LY9: variants seen among roughly 807,000 people sequenced by gnomAD.
LY9 encodes the protein T-lymphocyte surface antigen Ly-9.
A neutral mutation model predicts 64.6 loss-of-function variants in LY9; 59 were observed. That is an observed-to-expected ratio of 0.91 (90% confidence interval 0.74 to 1.13). The LOEUF (loss-of-function observed/expected upper bound fraction) is 1.13. Among genes scored for constraint, LY9 ranks in the 50% most tolerant of loss-of-function variants. The probability of loss-of-function intolerance (pLI) is 0.00; values close to 1 mark genes in which losing one functional copy is unlikely to be tolerated. For synonymous variants in LY9, 281 were observed against 308.5 expected (o/e 0.91, Z 0.93); for missense variants, 789 against 797.2 (o/e 0.99, Z 0.12).
In LY9 at chr1:160,799,957, C is replaced by T; in HGVS notation, c.329C>T (p.Thr110Ile). The T allele has an allele frequency of 1.2e-6, 2 of 1,614,142 alleles. No individual in the cohort carries two copies. The highest frequency in any genetic ancestry group is 1.7e-6 in the Non-Finnish European group (2 of 1,180,008). Reference protein sequence around the residue: ...VKSYLGRLDITKWSYSLCISN... With the variant: ...VKSYLGRLDIIKWSYSLCISN... ...AGCTACCTGGGCCGACTAGACATCA[C>T]CAAGTGGAGTTACTCCCTGTGCATC... Residue 110 changes from threonine (T) to isoleucine (I), a missense_variant, in exon 2 of 10, where the codon ACC (threonine) becomes ATC (isoleucine). By Grantham distance (89) the Thr-to-Ile change is moderately conservative (BLOSUM62 -1). Coordinates refer to ENST00000263285, the MANE Select transcript of LY9 (RefSeq NM_002348.4).
At chr1:160,816,066 T>A (rs1256054452) in intron 4 of LY9, among the ~76,000 whole-genome samples, 1 of 152,128 alleles carries the variant, frequency 6.6e-6, no homozygotes, top group African/African-American at 2.4e-5. Context: ...ATGCCTCAAA[T>A]ATAAAGGAAC....
intron 2 of LY9, chr1:160,801,937 A>T (rs1666527171): frequency 6.2e-7 from 1 of 1,611,186 alleles, no homozygotes; most frequent in African/African-American, 1.3e-5. Flanking sequence ...CCCACCTGCC[A>T]CTGGAGACCG....
chr1:160,807,106 T>C (rs1232621793), intron 2 of LY9, among the ~76,000 whole-genome samples: 4 of 152,220 alleles, frequency 2.6e-5, no homozygotes, highest in African/African-American at 7.2e-5. Flanking sequence ...TCTATCTCTT[T>C]GGTTAATTTG....
chr1:160,814,213 G>T (rs1667753036), intron 3 of LY9, among the ~76,000 whole-genome samples: 1 of 152,142 alleles, frequency 6.6e-6, no homozygotes. Flanking sequence ...GGCAGAGAGG[G>T]GACATGAGAG....
chr1:160,814,856 C>T, intron 4 of LY9, 95 bp downstream of exon 4: 2 of 1,006,064 alleles, frequency 2.0e-6, no homozygotes, highest in Non-Finnish European at 2.9e-6. Flanking sequence ...CAAGGGTCTT[C>T]CCTCATACTG....
At chr1:160,808,591 A>G (rs1037147566) in intron 2 of LY9, among the ~76,000 whole-genome samples, 1 of 151,868 alleles carries the variant, frequency 6.6e-6, no homozygotes, top group African/African-American at 2.4e-5. Context: ...TCTCTCGCTC[A>G]CCTCTATTGG....
At chr1:160,804,655 A>G (rs1666808646) in intron 2 of LY9, among the ~76,000 whole-genome samples, 1 of 152,146 alleles carries the variant, frequency 6.6e-6, no homozygotes, top group Non-Finnish European at 1.5e-5. Context: ...TAGTTTTAGG[A>G]GGATTGATAT....
chr1:160,816,300 G>T (rs1322927123), intron 4 of LY9, among the ~76,000 whole-genome samples: 1 of 152,160 alleles, frequency 6.6e-6, no homozygotes, highest in African/African-American at 2.4e-5. Flanking sequence ...TGATTGGTTT[G>T]CTTGCTTTCA....
At chr1:160,809,333 TTTATTATTA>T (rs138398905) in intron 2 of LY9, among the ~76,000 whole-genome samples, 5 of 140,264 alleles carry the variant, frequency 3.6e-5, no homozygotes, top group South Asian at 4.5e-4. Context: ...AAATCCTGAA[TTTATTATTA>T]TTATTATTAT....
intron 2 of LY9, among the ~76,000 whole-genome samples, chr1:160,804,435 A>AT (rs1340563750): frequency 1.3e-5 from 2 of 152,146 alleles, no homozygotes; most frequent in African/African-American, 4.8e-5. Flanking sequence ...CCCTGGGATA[A>AT]ATCCCACTTG....
chr1:160,827,918 C>T lies in LY9; in HGVS notation c.*102C>T, dbSNP rs868073959. 1 of 852,858 alleles carries T rather than the reference C, an allele frequency of 1.2e-6. No homozygotes were observed. The highest frequency in any genetic ancestry group is 1.6e-5 in the South Asian group (1 of 60,952). The allele number at this position is 852,858 out of a possible 1,614,324, so 52.8% of individuals were successfully genotyped here. ...CACAGACAGAAGCACCTCAGAATTTCCTTCAGTGCCTCAGAGATGCCTGGA... is the reference window on the plus strand; with the variant it reads ...CACAGACAGAAGCACCTCAGAATTTTCTTCAGTGCCTCAGAGATGCCTGGA... On this transcript the variant is annotated 3_prime_UTR_variant, in exon 10 of 10. Coordinates refer to ENST00000263285, the MANE Select transcript of LY9 (RefSeq NM_002348.4).
intron 2 of LY9, chr1:160,800,299 G>T (rs1249933998): frequency 1.9e-6 from 1 of 526,282 alleles, no homozygotes; most frequent in East Asian, 3.2e-5. Flanking sequence ...CTTACTGTAT[G>T]TTTGTACCCT....
At chr1:160,801,962 C>T in intron 2 of LY9, 1 of 1,605,600 alleles carries the variant, frequency 6.2e-7, no homozygotes, top group African/African-American at 1.3e-5. Flanking sequence ...GCCATCCCCA[C>T]CTCACCGCCG....
chr1:160,814,008 T>C, intron 3 of LY9, 97 bp downstream of exon 3: 1 of 1,337,910 alleles, frequency 7.5e-7, no homozygotes. Flanking sequence ...ACACAGGGGG[T>C]GGGGAAGCAA....
chr1:160,824,460 T>C lies in LY9; in HGVS notation c.1899+211T>C, dbSNP rs530894704. The stretch of plus-strand genomic sequence containing the variant: ...CCAAAGGCTGAACATTTCTAATTGA[T>C]TTAATAATATCTTATGTTGGTTATT... On this transcript the variant is annotated intron_variant, in intron 9 of 9. Coordinates refer to ENST00000263285, the MANE Select transcript of LY9 (RefSeq NM_002348.4). The C allele has an allele frequency of 1.2e-5, 12 of 985,082 alleles. No homozygotes were observed. In the African/African-American group the frequency reaches 2.1e-4, roughly 17 times the overall value. The allele number at this position is 985,082 out of a possible 1,614,324, so 61.0% of individuals were successfully genotyped here.
chr1:160,803,592 T>C (rs1195101545), intron 2 of LY9, among the ~76,000 whole-genome samples: 1 of 152,252 alleles, frequency 6.6e-6, no homozygotes, highest in African/African-American at 2.4e-5. Context: ...GATTAAATAA[T>C]TATTGGTGTA....
chr1:160,798,712 C>CA (rs1251582860), intron 1 of LY9: 2 of 152,388 alleles, frequency 1.3e-5, no homozygotes, highest in Non-Finnish European at 2.9e-5. Flanking sequence ...CCAGTGTCTG[C>CA]ATATTCTGTA....
intron 9 of LY9, among the ~76,000 whole-genome samples, chr1:160,825,365 C>T (rs1171673984): frequency 6.6e-6 from 1 of 152,108 alleles, no homozygotes; most frequent in Admixed American, 6.6e-5. Context: ...TGTTGTCATC[C>T]ACATTTTATA....
chr1:160,806,607 G>T (rs1268023409), intron 2 of LY9, among the ~76,000 whole-genome samples: 1 of 152,184 alleles, frequency 6.6e-6, no homozygotes, highest in African/African-American at 2.4e-5. Flanking sequence ...CCATTAGCCT[G>T]CTGGGCTTTC....
Sources: allele counts gnomAD v4.1 joint callset (sites outside exome capture counted in the v4.1 genomes callset), GRCh38; gene constraint gnomAD v4.1.1; transcripts MANE v1.5; gene names NCBI Gene and HGNC (gene_info 2026-07-23, HGNC 2026-07-21).